The following KLRG1 variants were observed in gnomAD, a reference collection of about 807,000 sequenced individuals.
KLRG1 encodes killer cell lectin like receptor G1.
A neutral mutation model predicts 21.8 loss-of-function variants in KLRG1; 16 were observed. That is an observed-to-expected ratio of 0.73 (90% CI 0.50 to 1.11). KLRG1 has a LOEUF of 1.11. KLRG1 is among the 50% of genes most tolerant of loss of function. The pLI is 0.00. For synonymous variants in KLRG1, 69 were observed against 75.9 expected (o/e 0.91, Z 0.47); for missense variants, 173 against 218.3 (o/e 0.79, Z 1.31).
the KLRG1 span, chr12:9,101,525 A>G: frequency 6.2e-7 from 1 of 1,613,964 alleles, no homozygotes. Context: ...CTGTCTGAGT[A>G]TGGCCACAGG....
At chr12:9,102,226 A>T in the KLRG1 span, among the ~76,000 whole-genome samples, 1 of 151,930 alleles carries the variant, frequency 6.6e-6, no homozygotes, top group Non-Finnish European at 1.5e-5. Flanking sequence ...TATTATTATT[A>T]TTTTTTTGAG....
the KLRG1 span, among the ~76,000 whole-genome samples, chr12:9,024,508 C>T: frequency 6.6e-6 from 1 of 152,042 alleles, no homozygotes; most frequent in East Asian, 1.9e-4. Context: ...GAGGGTTTTA[C>T]TACAGATTTT....
At chr12:9,207,018 G>C in the KLRG1 span, among the ~76,000 whole-genome samples, 3 of 152,154 alleles carry the variant, frequency 2.0e-5, no homozygotes, top group Non-Finnish European at 4.4e-5. Flanking sequence ...GAGGGATAGT[G>C]GGGGAGAAAT....
the KLRG1 span, chr12:9,194,308 T>C: frequency 8.4e-6 from 12 of 1,420,756 alleles, no homozygotes; most frequent in Non-Finnish European, 1.2e-5. Context: ...TGTGAACAAA[T>C]GCTTTTGCTG....
At chr12:9,025,621 A>C in the KLRG1 span, among the ~76,000 whole-genome samples, 7 of 152,318 alleles carry the variant, frequency 4.6e-5, no homozygotes, top group South Asian at 6.2e-4. Context: ...TGGATGACAG[A>C]GTGAGACTTC....
the KLRG1 span, among the ~76,000 whole-genome samples, chr12:9,020,248 T>C: frequency 1.3e-5 from 2 of 152,116 alleles, no homozygotes; most frequent in Non-Finnish European, 2.9e-5. Context: ...TAAGGTACAA[T>C]TGACATACAA....
intron 1 of KLRG1, among the ~76,000 whole-genome samples, chr12:8,958,875 T>C (rs897034111): frequency 6.6e-6 from 1 of 151,468 alleles, no homozygotes; most frequent in African/African-American, 2.4e-5. Flanking sequence ...AAAAAAATCC[T>C]GCTGGGGTTA....
chr12:9,159,894 T>C, the KLRG1 span: 1 of 1,512,994 alleles, frequency 6.6e-7, no homozygotes, highest in African/African-American at 1.4e-5. Flanking sequence ...TATGTGCACG[T>C]TCTGAACTCA....
chr12:9,190,314 C>T, the KLRG1 span, among the ~76,000 whole-genome samples: 1 of 152,038 alleles, frequency 6.6e-6, no homozygotes, highest in Non-Finnish European at 1.5e-5. Context: ...AACTATGCAG[C>T]CATAAAAAAG....
intron 3 of KLRG1, among the ~76,000 whole-genome samples, chr12:8,997,465 T>A (rs1273593564): frequency 1.3e-5 from 2 of 152,296 alleles, no homozygotes; most frequent in East Asian, 3.9e-4. Context: ...GTTTCTAGTA[T>A]CATACTGGGG....
the KLRG1 span, chr12:9,169,391 C>T: frequency 6.6e-7 from 1 of 1,507,462 alleles, no homozygotes; most frequent in Admixed American, 2.0e-5. Context: ...CATTCAAAAA[C>T]TCACAAGCCA....
the KLRG1 span, chr12:9,116,228 A>G: frequency 5.2e-5 from 15 of 290,414 alleles, no homozygotes; most frequent in Admixed American, 8.7e-5. Flanking sequence ...CATCTCTTGT[A>G]TGAATAGCTG....
the KLRG1 span, among the ~76,000 whole-genome samples, chr12:9,026,900 G>A: frequency 6.6e-6 from 1 of 151,862 alleles, no homozygotes; most frequent in African/African-American, 2.4e-5. Flanking sequence ...TTTTTGCCCA[G>A]GCTGGAGTAC....
At chr12:9,122,911 G>T in the KLRG1 span, among the ~76,000 whole-genome samples, 2 of 124,594 alleles carry the variant, frequency 1.6e-5, no homozygotes, top group Non-Finnish European at 3.4e-5. Flanking sequence ...TATTTAAGAT[G>T]TAAGTATCAA....
the KLRG1 span, chr12:9,135,284 C>A: frequency 3.6e-6 from 1 of 275,230 alleles, no homozygotes. Flanking sequence ...TTCGCATCAA[C>A]CATGAAATGG....
chr12:9,115,825 G>A, the KLRG1 span: 2 of 1,613,342 alleles, frequency 1.2e-6, no homozygotes, highest in South Asian at 2.2e-5. Context: ...ACCAGACTTG[G>A]ATGAAGGAGT....
chr12:9,209,946 G>T, the KLRG1 span, among the ~76,000 whole-genome samples: 3 of 151,960 alleles, frequency 2.0e-5, no homozygotes, highest in Non-Finnish European at 4.4e-5. Context: ...GAATGTGGCC[G>T]AACCTGTTAC....
the KLRG1 span, chr12:9,181,200 T>G: frequency 6.3e-7 from 1 of 1,596,162 alleles, no homozygotes. Context: ...TCACCTGCAT[T>G]TCCTAAGCCA....
At chr12:9,087,421 A>C in the KLRG1 span, among the ~76,000 whole-genome samples, 1 of 152,170 alleles carries the variant, frequency 6.6e-6, no homozygotes, top group Non-Finnish European at 1.5e-5. Flanking sequence ...GAAAACAAAT[A>C]TTGCATGTTC....
Sources: allele counts gnomAD v4.1 joint callset (sites outside exome capture counted in the v4.1 genomes callset), GRCh38; gene constraint gnomAD v4.1.1; transcripts MANE v1.5; gene names NCBI Gene and HGNC (gene_info 2026-07-23, HGNC 2026-07-21).